FBXW4: variants seen among roughly 807,000 people sequenced by gnomAD.
FBXW4 encodes F-box/WD repeat-containing protein 4.
In FBXW4, 40 loss-of-function variants were observed where a neutral mutation model predicts 61.8. The ratio of observed to expected loss-of-function variants is 0.65; its 90% CI spans 0.50 to 0.84. FBXW4 has a LOEUF of 0.84. FBXW4 is among the 40% of genes least tolerant of loss of function. The probability of loss-of-function intolerance (pLI) is 0.00; values close to 1 mark genes in which losing one functional copy is unlikely to be tolerated. For missense variants in FBXW4, 672 were observed against 753.8 expected (o/e 0.89, Z 1.27); for synonymous variants, 311 against 313.8 (o/e 0.99, Z 0.10).
chr10:101,658,658 A>G (rs547883465), intron 5 of FBXW4, among the ~76,000 whole-genome samples: 6 of 152,268 alleles, frequency 3.9e-5, no homozygotes, highest in African/African-American at 1.2e-4. Flanking sequence ...ACCTAATTGC[A>G]GGAGGATGGA....
intron 4 of FBXW4, among the ~76,000 whole-genome samples, chr10:101,670,584 C>T (rs912162854): frequency 1.3e-5 from 2 of 152,244 alleles, no homozygotes; most frequent in African/African-American, 4.8e-5. Context: ...AATCAGCTCC[C>T]TGGCCAGGTA....
In FBXW4 at chr10:101,620,254, C is replaced by A. The variant is rs546886231; in HGVS notation, c.1301+4491G>T. Among the ~76,000 whole-genome samples the A allele has an allele frequency of 2.3e-3, 358 of 152,360 alleles. 4 individuals carry two copies. Among genetic ancestry groups the A allele is most frequent in the South Asian group, 6.4e-3 (31 of 4,826 alleles). On this transcript the variant is annotated intron_variant, in intron 6 of 8. Transcript: ENST00000331272. ...TCAGGCTTTGGTGTTACTGAAAGAT[C>A]AAACTTTGTCCTGCCTGTTCATTAC...
At chr10:101,672,842 G>C in intron 4 of FBXW4, 73 bp downstream of exon 4, 2 of 1,543,650 alleles carry the variant, frequency 1.3e-6, no homozygotes, top group Non-Finnish European at 1.8e-6. Flanking sequence ...CCAATCCTGA[G>C]ACTCAGGGAT....
chr10:101,657,607 T>G (rs922171067), intron 5 of FBXW4, among the ~76,000 whole-genome samples: 1 of 118,166 alleles, frequency 8.5e-6, no homozygotes. Context: ...GCCACTGTAG[T>G]CCAGCCTGGG....
chr10:101,683,015 AAAG>A (rs2064494917), intron 1 of FBXW4, among the ~76,000 whole-genome samples: 1 of 152,234 alleles, frequency 6.6e-6, no homozygotes, highest in Non-Finnish European at 1.5e-5. Context: ...TGAAAAATCC[AAAG>A]AAATTTTTAA....
chr10:101,690,633 C>T (rs930885258), intron 1 of FBXW4, among the ~76,000 whole-genome samples: 47 of 152,332 alleles, frequency 3.1e-4, no homozygotes, highest in African/African-American at 1.1e-3. Context: ...GTTCATCTTA[C>T]TCAACAAAGC....
chr10:101,694,429 A>C lies in FBXW4; in HGVS notation c.677T>G (p.Ile226Arg), dbSNP rs533934270. Residue 226 changes from isoleucine to arginine, a missense_variant, in exon 1 of 9, where the codon ATA (isoleucine) becomes AGA (arginine). This residue lies in a region of FBXW4 where 311 missense variants were observed against 301.1 expected (regional missense o/e 1.03). Coordinates refer to ENST00000331272, the MANE Select transcript of FBXW4 (RefSeq NM_022039.4). The surrounding 1 kb of genome is among the most constrained non-coding windows in gnomAD (Gnocchi z 6.0). ...GCCGGAGTTGAGCGAGGCCCGGGCT[A>C]TCCGGCGCCAGAGCAGATCGCAGCT... The part of the protein sequence containing the change: ...FTSCDLLWRR[I>R]ARASLNSGFT... 3 of 1,526,548 alleles carry C rather than the reference A, an allele frequency of 2.0e-6. No individual in the cohort carries two copies. Among genetic ancestry groups the C allele is most frequent in the African/African-American group, 2.9e-5 (2 of 69,654 alleles). The allele number at this position is 1,526,548 out of a possible 1,614,324, so 94.6% of individuals were successfully genotyped here. A position where few individuals can be genotyped will look rare whatever the true frequency, so the allele number is the denominator to read the frequency against.
chr10:101,687,419 C>T (rs1674711564), intron 1 of FBXW4, among the ~76,000 whole-genome samples: 1 of 152,156 alleles, frequency 6.6e-6, no homozygotes, highest in African/African-American at 2.4e-5. Context: ...CAAGGGGAGA[C>T]CACAAAATCA....
intron 1 of FBXW4, among the ~76,000 whole-genome samples, chr10:101,687,823 C>G (rs1258839241): frequency 6.6e-6 from 1 of 152,208 alleles, no homozygotes; most frequent in Non-Finnish European, 1.5e-5. Flanking sequence ...AAATGCTCTT[C>G]AATTCTGTCT....
chr10:101,657,326 G>T lies in FBXW4; in HGVS notation c.1235+10560C>A, dbSNP rs143859921. 2.7e-3 allele frequency among the ~76,000 whole-genome samples: 418 copies of T among 152,122 alleles called. 2 individuals carry two copies. Among genetic ancestry groups the T allele is most frequent in the African/African-American group, 9.7e-3 (404 of 41,488 alleles). ...TCTTACATGAGACAAGAAATAAAAC[G>T]CCTACTTCCAAAAGCTCACTATCTG... On this transcript the variant is annotated intron_variant, in intron 5 of 8. Coordinates refer to ENST00000331272, the MANE Select transcript of FBXW4 (RefSeq NM_022039.4).
chr10:101,624,218 T>C (rs549224109), intron 6 of FBXW4, among the ~76,000 whole-genome samples: 1 of 151,854 alleles, frequency 6.6e-6, no homozygotes, highest in East Asian at 1.9e-4. Flanking sequence ...CACCTTTCCA[T>C]CTTATTTTTG....
At position 101,673,631 on chromosome 10, in the gene FBXW4, T is replaced by C; in HGVS notation, c.864A>G (p.Ile288Met). 2 of 1,614,080 alleles carry C rather than the reference T, an allele frequency of 1.2e-6. No homozygotes were observed. The highest frequency in any genetic ancestry group is 1.1e-5 in the South Asian group (1 of 91,074). ...WMQLEDDSLY[I>M]SQANFILAYQ... ...AGGCCAGGATGAAATTAGCCTGGGATATGTACAGAGAATCATCCTCTAGCT... is the reference window on the plus strand; with the variant it reads ...AGGCCAGGATGAAATTAGCCTGGGACATGTACAGAGAATCATCCTCTAGCT... The change falls in exon 3 of 9, where the codon ATA becomes ATG. Residue 288 changes from isoleucine to methionine, a missense_variant. Physicochemically the swap from Ile to Met is conservative, Grantham distance 10. Transcript: ENST00000331272.
chr10:101,621,022 C>T (rs1299118523), intron 6 of FBXW4, among the ~76,000 whole-genome samples: 2 of 152,152 alleles, frequency 1.3e-5, no homozygotes, highest in African/African-American at 2.4e-5. Flanking sequence ...GTGGTGTACC[C>T]AGCCCGCCAC....
chr10:101,687,413 G>A (rs2064544859), intron 1 of FBXW4, among the ~76,000 whole-genome samples: 1 of 152,040 alleles, frequency 6.6e-6, no homozygotes, highest in Non-Finnish European at 1.5e-5. Flanking sequence ...TTAAAGCAAG[G>A]GGAGACCACA....
At position 101,694,391 on chromosome 10, in the gene FBXW4, C is replaced by A. The variant is rs759941552; in HGVS notation, c.715G>T (p.Gly239Cys). 2 of 1,472,202 alleles carry A rather than the reference C, an allele frequency of 1.4e-6. No individual in the cohort carries two copies. The highest frequency in any genetic ancestry group is 1.8e-6 in the Non-Finnish European group (2 of 1,123,218). The allele number at this position is 1,472,202 out of a possible 1,614,324, so 91.2% of individuals were successfully genotyped here. A position where few individuals can be genotyped will look rare whatever the true frequency, so the allele number is the denominator to read the frequency against. ...ASLNSGFTRL[G>C]TDLMTSVPVK... ...CGAGCGGACGCTTACAGGTCGGTGC[C>A]GAGCCGCGTGAAGCCGGAGTTGAGC... Residue 239 changes from glycine (G) to cysteine (C), a missense_variant, in exon 1 of 9, where the codon GGC becomes TGC. Physicochemically the swap from Gly to Cys is radical, Grantham distance 159. This residue lies in a region of FBXW4 where 311 missense variants were observed against 301.1 expected (regional missense o/e 1.03). Transcript: ENST00000331272. This position sits in a 1 kb window ranked among gnomAD's most constrained non-coding sequence, Gnocchi z 6.0.
At chr10:101,657,451 T>C (rs1589763914) in intron 5 of FBXW4, among the ~76,000 whole-genome samples, 2 of 151,896 alleles carry the variant, frequency 1.3e-5, no homozygotes, top group East Asian at 1.9e-4. Flanking sequence ...CTGGCCAACA[T>C]GGTGAAACCC....
rs554605788 is a variant in FBXW4, at chr10:101,694,397, G to T, written c.709C>A (p.Arg237=). The change falls in exon 1 of 9, where the codon CGG becomes AGG. Residue 237 remains arginine (R), a synonymous_variant. Transcript: ENST00000331272. The surrounding 1 kb of genome is among the most constrained non-coding windows in gnomAD (Gnocchi z 6.0). ...ARASLNSGFT[R]LGTDLMTSVP... is the part of the protein sequence containing the mutation. ...GACGCTTACAGGTCGGTGCCGAGCCGCGTGAAGCCGGAGTTGAGCGAGGCC... is the reference window on the plus strand; with the variant it reads ...GACGCTTACAGGTCGGTGCCGAGCCTCGTGAAGCCGGAGTTGAGCGAGGCC... 108 of 1,480,982 alleles carry T rather than the reference G, an allele frequency of 7.3e-5. No homozygotes were observed. In the South Asian group the frequency reaches 1.4e-3, roughly 19 times the overall value. The allele number at this position is 1,480,982 out of a possible 1,614,324, so 91.7% of individuals were successfully genotyped here. A position where few individuals can be genotyped will look rare whatever the true frequency, so the allele number is the denominator to read the frequency against.
Position 101,694,369 on chromosome 10 carries a change from G to A in FBXW4, c.725+12C>T. On this transcript the variant is annotated intron_variant, in intron 1 of 8. Transcript: ENST00000331272. This position sits in a 1 kb window ranked among gnomAD's most constrained non-coding sequence, Gnocchi z 6.0. ...CTCGGGGCGGGGAGCGGGCGGGCGA[G>A]CGGACGCTTACAGGTCGGTGCCGAG... The A allele has an allele frequency of 3.7e-6, 5 of 1,367,466 alleles. No individual in the cohort carries two copies. The highest frequency in any genetic ancestry group is 4.7e-6 in the Non-Finnish European group (5 of 1,068,618). The allele number at this position is 1,367,466 out of a possible 1,614,324, so 84.7% of individuals were successfully genotyped here.
chr10:101,624,688 G>C (rs1564904681), intron 6 of FBXW4, 57 bp downstream of exon 6: 3 of 1,595,006 alleles, frequency 1.9e-6, no homozygotes, highest in Non-Finnish European at 2.6e-6. Context: ...GGCTGGCTCA[G>C]CAAGCTTTCC....
Sources: allele counts gnomAD v4.1 joint callset (sites outside exome capture counted in the v4.1 genomes callset), GRCh38; gene constraint gnomAD v4.1.1; regional missense constraint gnomAD v4.1.1; non-coding constraint Gnocchi (gnomAD v3.1); transcripts MANE v1.5; gene names NCBI Gene and HGNC (gene_info 2026-07-23, HGNC 2026-07-21).